ZCWPW1: variants seen among roughly 807,000 people sequenced by gnomAD.
ZCWPW1 encodes zinc finger CW-type PWWP domain protein 1.
ZCWPW1 carries 56 observed loss-of-function variants against 81.3 expected under a neutral mutation model. The ratio of observed to expected loss-of-function variants is 0.69; its 90% CI spans 0.56 to 0.86. The LOEUF (loss-of-function observed/expected upper bound fraction) is 0.86. ZCWPW1 is among the 40% of genes least tolerant of loss of function. ZCWPW1 has a pLI of 0.00. For synonymous variants in ZCWPW1, 250 were observed against 273.7 expected (o/e 0.91, Z 0.86); for missense variants, 650 against 769.8 (o/e 0.84, Z 1.84).
At chr7:100,405,438 A>G (rs1490252451) in intron 12 of ZCWPW1, among the ~76,000 whole-genome samples, 3 of 152,138 alleles carry the variant, frequency 2.0e-5, no homozygotes, top group Non-Finnish European at 4.4e-5. Flanking sequence ...AAAAGAAAAA[A>G]AAAAGAAAAA....
At chr7:100,406,885 TCA>T in intron 11 of ZCWPW1, 87 bp from the exon 12 acceptor site, 1 of 1,255,282 alleles carries the variant, frequency 8.0e-7, no homozygotes, top group Non-Finnish European at 1.1e-6. Context: ...GAATGGGAAT[TCA>T]CCCAGAAGGA....
At chr7:100,404,933 C>T in intron 13 of ZCWPW1, 80 bp downstream of exon 13, 1 of 1,456,798 alleles carries the variant, frequency 6.9e-7, no homozygotes, top group Non-Finnish European at 9.5e-7. Context: ...TAGCACAAAC[C>T]ATCTTTGTCT....
At chr7:100,425,883 G>C (rs938270601) in intron 1 of ZCWPW1, among the ~76,000 whole-genome samples, 1 of 152,052 alleles carries the variant, frequency 6.6e-6, no homozygotes, top group African/African-American at 2.4e-5. Context: ...TAAAATGTTA[G>C]TATCAACAGA....
At chr7:100,413,714 T>C (rs940287721) in intron 8 of ZCWPW1, among the ~76,000 whole-genome samples, 3 of 152,206 alleles carry the variant, frequency 2.0e-5, no homozygotes, top group Admixed American at 6.5e-5. Context: ...ATCTAGTCCA[T>C]GCAGTAATTC....
intron 17 of ZCWPW1, 31 bp downstream of exon 17, chr7:100,401,858 C>T (rs1791972032): frequency 6.3e-7 from 1 of 1,578,930 alleles, no homozygotes; most frequent in Non-Finnish European, 8.6e-7. Flanking sequence ...CACCTCATTC[C>T]CCTTAGTTTT....
chr7:100,409,680 C>T (rs1452621250), intron 8 of ZCWPW1, 136 bp from the exon 9 acceptor site: 10 of 633,116 alleles, frequency 1.6e-5, no homozygotes, highest in Middle Eastern at 3.4e-4. Context: ...CAGCCCGATC[C>T]CTGACTTATA....
chr7:100,422,053 T>C (rs1045409278), intron 2 of ZCWPW1, among the ~76,000 whole-genome samples: 1 of 152,224 alleles, frequency 6.6e-6, no homozygotes, highest in Non-Finnish European at 1.5e-5. Flanking sequence ...CTAACACTTA[T>C]TGAGCACTGA....
intron 8 of ZCWPW1, among the ~76,000 whole-genome samples, chr7:100,414,612 C>T (rs1794838280): frequency 6.6e-6 from 1 of 151,986 alleles, no homozygotes; most frequent in African/African-American, 2.4e-5. Flanking sequence ...ATGAGGGTCT[C>T]ACTGTGTTGC....
intron 10 of ZCWPW1, 65 bp from the exon 11 acceptor site, chr7:100,407,368 A>C: frequency 1.3e-5 from 18 of 1,355,882 alleles, no homozygotes; most frequent in Non-Finnish European, 1.8e-5. Flanking sequence ...ACACAACCTC[A>C]TCAATGTACA....
chr7:100,425,948 G>C (rs1342964917), intron 1 of ZCWPW1, among the ~76,000 whole-genome samples: 2 of 151,972 alleles, frequency 1.3e-5, no homozygotes, highest in African/African-American at 4.8e-5. Context: ...GGGTATAAAA[G>C]GGTTCTCAAA....
intron 4 of ZCWPW1, among the ~76,000 whole-genome samples, chr7:100,419,418 A>G (rs1563145537): frequency 6.6e-6 from 1 of 152,130 alleles, no homozygotes; most frequent in Non-Finnish European, 1.5e-5. Context: ...CCCCACCTCT[A>G]ACCCACCTCA....
intron 2 of ZCWPW1, among the ~76,000 whole-genome samples, chr7:100,424,588 A>T (rs890296310): frequency 6.6e-6 from 1 of 151,876 alleles, no homozygotes; most frequent in Non-Finnish European, 1.5e-5. Flanking sequence ...CAGCCTCCCG[A>T]GTAGCTGGGA....
At chr7:100,405,176 T>A (rs747800982) in intron 12 of ZCWPW1, 83 bp from the exon 13 acceptor site, 25 of 1,356,954 alleles carry the variant, frequency 1.8e-5, no homozygotes, top group Non-Finnish European at 2.6e-5. Flanking sequence ...ACACCTGTAA[T>A]CCCAGCACTT....
At chr7:100,402,296 T>C in intron 16 of ZCWPW1, 2 of 837,800 alleles carry the variant, frequency 2.4e-6, no homozygotes, top group Non-Finnish European at 4.1e-6. Context: ...CCTTCTTGGC[T>C]AAGAAATTAA....
chr7:100,425,023 C>G lies in ZCWPW1; in HGVS notation c.-30+7G>C, dbSNP rs1388005835. 1 of 152,176 alleles carries G rather than the reference C, an allele frequency of 6.6e-6. No homozygotes were observed. Among genetic ancestry groups the G allele is most frequent in the Non-Finnish European group, 1.5e-5 (1 of 68,034 alleles). 9.4% of individuals were successfully genotyped at this position (152,176 alleles called of 1,614,324 possible). ...TGATAACACTGCTTTCAAACAAAAGCTCTAACCTGATCAGTAAAGAAGGGA... is the reference window on the plus strand; with the variant it reads ...TGATAACACTGCTTTCAAACAAAAGGTCTAACCTGATCAGTAAAGAAGGGA... On this transcript the variant is annotated splice_region_variant and intron_variant, in intron 2 of 17. Transcript: ENST00000684423.
Position 100,416,400 on chromosome 7 carries a change from G to A in ZCWPW1, c.536C>T (p.Pro179Leu), listed in dbSNP as rs1323719417. Residue 179 changes from proline to leucine, a missense_variant, in exon 7 of 18, where the codon CCT (proline) becomes CTT (leucine). Coordinates refer to ENST00000684423, the MANE Select transcript of ZCWPW1 (RefSeq NM_001386010.1). ...GCCTAACTTAGATGTCCTTATCTCA[G>A]GGGCAGCTTCACCTTCCCAAGACAC... ...ISVSWEGEAA[P>L]EIRTSKLGQP... 1.2e-6 allele frequency: 2 copies of A among 1,614,118 alleles called. No individual in the cohort carries two copies. Among genetic ancestry groups the A allele is most frequent in the Non-Finnish European group, 8.5e-7 (1 of 1,180,016 alleles).
At chr7:100,415,503 A>G (rs971625374) in intron 8 of ZCWPW1, among the ~76,000 whole-genome samples, 4 of 152,168 alleles carry the variant, frequency 2.6e-5, no homozygotes, top group Admixed American at 2.6e-4. Context: ...TTCAGTAGCT[A>G]TAACCAAACC....
chr7:100,405,553 C>T (rs1331853660), intron 12 of ZCWPW1, among the ~76,000 whole-genome samples: 2 of 152,188 alleles, frequency 1.3e-5, no homozygotes, highest in Non-Finnish European at 2.9e-5. Flanking sequence ...AGTATTGATA[C>T]GATACTCCTA....
At position 100,401,985 on chromosome 7, in the gene ZCWPW1, T is replaced by C; in HGVS notation, c.1531A>G (p.Ile511Val). ...DGRGRTLQRK[I>V]MKRSLGRKST... ...TTCCTGCCTAGAGATCTCTTCATTA[T>C]CTTCCTCTGCAGTGTCCTGCCTCGG... The change falls in exon 17 of 18, where the codon ATA (isoleucine) becomes GTA (valine). Residue 511 changes from isoleucine to valine, a missense_variant. Physicochemically the swap from Ile to Val is conservative, Grantham distance 29. Transcript: ENST00000684423. 1 of 1,614,210 alleles carries C rather than the reference T, an allele frequency of 6.2e-7. No homozygotes were observed. Among genetic ancestry groups the C allele is most frequent in the Non-Finnish European group, 8.5e-7 (1 of 1,180,038 alleles).
Sources: gnomAD v4.1 joint callset for allele counts (sites outside exome capture counted in the v4.1 genomes callset) on GRCh38, gnomAD v4.1.1 for gene constraint, MANE v1.5 for transcripts, NCBI Gene and HGNC (gene_info 2026-07-23, HGNC 2026-07-21) for gene names.